The following DHRSX variants were observed in gnomAD, a reference collection of about 807,000 sequenced individuals.
DHRSX encodes polyprenol dehydrogenase.
Under a neutral mutation model 34.0 loss-of-function variants are expected in DHRSX, and 31 were observed. That is an observed-to-expected ratio of 0.91 (90% CI 0.69 to 1.23). The LOEUF is 1.23. Among genes scored for constraint, DHRSX ranks in the 50% most tolerant of loss-of-function variants. The pLI is 0.00. For synonymous variants in DHRSX, 201 were observed against 183.8 expected (o/e 1.09, Z -0.76); for missense variants, 414 against 428.1 (o/e 0.97, Z 0.29).
chrX:2,267,001 T>C (rs1223923076), intron 4 of DHRSX, 54 bp from the exon 5 acceptor site: 1 of 1,580,024 alleles, frequency 6.3e-7, no homozygotes. Flanking sequence ...AGTGGAGAAA[T>C]CTCACAGATG....
At chrX:2,422,393 G>C (rs899672544) in intron 2 of DHRSX, among the ~76,000 whole-genome samples, 1 of 152,138 alleles carries the variant, frequency 6.6e-6, no homozygotes, top group African/African-American at 2.4e-5. Flanking sequence ...CTCCCGAGCA[G>C]CTGGGATTAC....
chrX:2,247,635 T>TA (rs1188338807), intron 5 of DHRSX, among the ~76,000 whole-genome samples: 1 of 123,672 alleles, frequency 8.1e-6, no homozygotes, highest in Non-Finnish European at 1.6e-5. Flanking sequence ...GCCTTGGTGA[T>TA]AGAGTGAAAC....
chrX:2,331,844 A>C (rs1365123224), intron 3 of DHRSX, among the ~76,000 whole-genome samples: 1 of 152,144 alleles, frequency 6.6e-6, no homozygotes, highest in African/African-American at 2.4e-5. Context: ...GAAAGGGTCA[A>C]CTGATGTGAC....
At chrX:2,465,809 CAAAAAAA>C (rs375728172) in intron 1 of DHRSX, among the ~76,000 whole-genome samples, 1 of 84,736 alleles carries the variant, frequency 1.2e-5, no homozygotes, top group African/African-American at 4.5e-5. Flanking sequence ...AACTCCATCG[CAAAAAAA>C]AAAAAAAAAA....
intron 6 of DHRSX, among the ~76,000 whole-genome samples, chrX:2,227,221 T>A (rs2015687496): frequency 6.6e-6 from 1 of 151,736 alleles, no homozygotes; most frequent in African/African-American, 2.4e-5. Context: ...CTCAGTGTCA[T>A]CAGCTATGGC....
At position 2,296,545 on chromosome X, in the gene DHRSX, G is replaced by A. The variant is rs1312562924; in HGVS notation, c.287-4942C>T. On this transcript the variant is annotated intron_variant, in intron 3 of 6. Coordinates refer to ENST00000334651, the MANE Select transcript of DHRSX (RefSeq NM_145177.3). ...GACAGGAATAGGACCCAGGCAGATA[G>A]ACCCCAGGCAGATAGGAATAGGACC... Among the ~76,000 whole-genome samples the A allele has an allele frequency of 4.0e-5, 5 of 125,270 alleles. 1 individual carries two copies. Among genetic ancestry groups the A allele is most frequent in the African/African-American group, 1.7e-4 (5 of 29,348 alleles). 82.2% of individuals were successfully genotyped at this position (125,270 alleles called of 152,430 possible).
intron 1 of DHRSX, among the ~76,000 whole-genome samples, chrX:2,495,369 ATTG>A (rs2045256954): frequency 6.6e-6 from 1 of 151,952 alleles, no homozygotes; most frequent in African/African-American, 2.4e-5. Context: ...TATTAATATT[ATTG>A]TTATTATTTA....
chrX:2,225,560 C>G (rs1249138086), intron 6 of DHRSX, among the ~76,000 whole-genome samples: 1 of 152,218 alleles, frequency 6.6e-6, no homozygotes, highest in Non-Finnish European at 1.5e-5. Context: ...GGAACCAGCC[C>G]TGCCCACACC....
In DHRSX at chrX:2,227,672, CAGAA is replaced by C. The variant is rs371775092; in HGVS notation, c.805-6447_805-6444del. ...GAAAGGAGGAAGGAAGGAAAAGAGACAGAAAGAAAAAAAAAGAAGAGAAACAAAG... is the reference window on the plus strand; with the variant it reads ...GAAAGGAGGAAGGAAGGAAAAGAGACAGAAAAAAAAAGAAGAGAAACAAAG... On this transcript the variant is annotated intron_variant, in intron 6 of 6. Transcript: ENST00000334651. Among the ~76,000 whole-genome samples, 117 of 60,706 alleles carry C rather than the reference CAGAA, an allele frequency of 1.9e-3. 1 individual carries two copies. The highest frequency in any genetic ancestry group is 8.4e-3 in the African/African-American group (106 of 12,692). The allele number at this position is 60,706 out of a possible 152,430, so 39.8% of individuals were successfully genotyped here. A position where few individuals can be genotyped will look rare whatever the true frequency, so the allele number is the denominator to read the frequency against.
chrX:2,386,612 G>A (rs2043275363), intron 3 of DHRSX, among the ~76,000 whole-genome samples: 1 of 152,182 alleles, frequency 6.6e-6, no homozygotes, highest in Admixed American at 6.5e-5. Flanking sequence ...AATTCCATTT[G>A]CATGAATTTA....
At chrX:2,393,592 C>G (rs867815898) in intron 3 of DHRSX, among the ~76,000 whole-genome samples, 469 of 92,648 alleles carry the variant, frequency 5.1e-3, no homozygotes, top group African/African-American at 0.014. Context: ...CCCATCTCCT[C>G]TGCACACACG....
chrX:2,233,532 G>A (rs371703642), intron 6 of DHRSX, among the ~76,000 whole-genome samples: 1 of 152,242 alleles, frequency 6.6e-6, no homozygotes, highest in South Asian at 2.1e-4. Context: ...GGGAGACGGT[G>A]CAGCACCATT....
rs1479512684 is a variant in DHRSX at position 2,221,052 on chromosome X, C to T, written c.982G>A (p.Val328Met). The change falls in exon 7 of 7, where the codon GTG becomes ATG. Residue 328 changes from valine to methionine, a missense_variant. Transcript: ENST00000334651. ...CCTGAGACAGGATATCACAGGGTCA[C>T]ATCAAGGACCCCAGTCATCTCACAA... ...KSCEMTGVLDVTL is the reference protein window; with the variant it reads ...KSCEMTGVLDMTL 6.2e-7 allele frequency: 1 copy of T among 1,613,658 alleles called. No individual in the cohort carries two copies. The highest frequency in any genetic ancestry group is 2.2e-5 in the East Asian group (1 of 44,892).
intron 3 of DHRSX, among the ~76,000 whole-genome samples, chrX:2,325,621 T>C (rs1040593418): frequency 1.7e-4 from 25 of 148,008 alleles, no homozygotes; most frequent in African/African-American, 5.8e-4. Flanking sequence ...ATGGAACCAA[T>C]CTCTCGGAGA....
At chrX:2,490,546 T>C (rs139717854) in intron 1 of DHRSX, 1 of 1,613,838 alleles carries the variant, frequency 6.2e-7, no homozygotes, top group Non-Finnish European at 8.5e-7. Flanking sequence ...TGGAGGTGTT[T>C]CCGGAGTAGG....
intron 1 of DHRSX, among the ~76,000 whole-genome samples, chrX:2,458,086 C>T (rs1404702131): frequency 1.3e-5 from 2 of 151,938 alleles, no homozygotes. Context: ...GGACTGCCAC[C>T]GTGTACACAC....
At chrX:2,498,467 G>A (rs2045333457) in intron 1 of DHRSX, among the ~76,000 whole-genome samples, 1 of 152,114 alleles carries the variant, frequency 6.6e-6, no homozygotes, top group Admixed American at 6.6e-5. Context: ...CCATACATAG[G>A]AAGGGGCTCG....
chrX:2,409,735 T>C (rs1433117473), intron 2 of DHRSX, among the ~76,000 whole-genome samples: 2 of 151,094 alleles, frequency 1.3e-5, no homozygotes, highest in African/African-American at 4.8e-5. Context: ...TTTTTTTGTT[T>C]TGTTTTTTTT....
At position 2,431,326 on chromosome X, in the gene DHRSX, C is replaced by CA. The variant is rs748686139; in HGVS notation, c.110-6023dup. On this transcript the variant is annotated intron_variant, in intron 1 of 6. Coordinates refer to ENST00000334651, the MANE Select transcript of DHRSX (RefSeq NM_145177.3). ...GGCGACAGAGCTAGACTCCATCTCACAAAAAAAAAAAAAAAGACAAAAAAA... is the reference window on the plus strand; with the variant it reads ...GGCGACAGAGCTAGACTCCATCTCACAAAAAAAAAAAAAAAAGACAAAAAAA... 8.9e-3 allele frequency among the ~76,000 whole-genome samples: 1,107 copies of CA among 124,196 alleles called. 17 individuals are homozygous for CA. Among genetic ancestry groups the CA allele is most frequent in the African/African-American group, 0.014 (468 of 33,354 alleles). 81.5% of individuals were successfully genotyped at this position (124,196 alleles called of 152,430 possible).
Sources: gnomAD v4.1 joint callset for allele counts (sites outside exome capture counted in the v4.1 genomes callset) on GRCh38, gnomAD v4.1.1 for gene constraint, MANE v1.5 for transcripts, NCBI Gene and HGNC (gene_info 2026-07-23, HGNC 2026-07-21) for gene names.